The following NRG3 variants were observed in gnomAD, a reference collection of about 807,000 sequenced individuals.
The protein encoded by NRG3 is pro-neuregulin-3, membrane-bound isoform.
In NRG3, 31 loss-of-function variants were observed where a neutral mutation model predicts 66.9. The observed-to-expected ratio is 0.46, with a 90% CI of 0.35 to 0.63. The LOEUF is 0.63. NRG3 is among the 20% of genes least tolerant of loss of function. NRG3 has a pLI of 0.00. For synonymous variants in NRG3, 393 were observed against 359.4 expected (o/e 1.09, Z -1.06); for missense variants, 910 against 878.9 (o/e 1.04, Z -0.45).
chr10:82,695,467 TAAG>T (rs1173234327), intron 2 of NRG3, among the ~76,000 whole-genome samples: 5 of 152,124 alleles, frequency 3.3e-5, no homozygotes, highest in African/African-American at 1.2e-4. Context: ...ACTCATATGT[TAAG>T]AGAGAAAAAC....
At chr10:82,292,696 A>G (rs2079817324) in intron 1 of NRG3, among the ~76,000 whole-genome samples, 1 of 152,214 alleles carries the variant, frequency 6.6e-6, no homozygotes, top group Admixed American at 6.5e-5. Flanking sequence ...CAACAACTTA[A>G]ATAAACCTAG....
chr10:82,282,934 C>CTAA, intron 1 of NRG3, among the ~76,000 whole-genome samples: 1 of 152,006 alleles, frequency 6.6e-6, no homozygotes, highest in Non-Finnish European at 1.5e-5. Flanking sequence ...CCGATCCTGG[C>CTAA]CCCGGTGTTT....
intron 2 of NRG3, among the ~76,000 whole-genome samples, chr10:82,667,906 C>A (rs1251728575): frequency 6.6e-6 from 1 of 152,156 alleles, no homozygotes; most frequent in Non-Finnish European, 1.5e-5. Flanking sequence ...ATTTTAGATG[C>A]AAAGCTGACA....
intron 1 of NRG3, among the ~76,000 whole-genome samples, chr10:82,334,322 T>C (rs1348886472): frequency 1.3e-5 from 2 of 152,094 alleles, no homozygotes; most frequent in Non-Finnish European, 2.9e-5. Context: ...GTACATGCTG[T>C]GTATCAGGAG....
At chr10:82,928,751 A>G (rs1258084697) in intron 4 of NRG3, among the ~76,000 whole-genome samples, 2 of 152,184 alleles carry the variant, frequency 1.3e-5, no homozygotes, top group South Asian at 2.1e-4. Context: ...CTGTACTCCA[A>G]TAAAACTTTA....
At chr10:82,748,605 T>C (rs2134899378) in intron 3 of NRG3, among the ~76,000 whole-genome samples, 1 of 148,960 alleles carries the variant, frequency 6.7e-6, no homozygotes, top group African/African-American at 2.4e-5. Context: ...ATTATTATAT[T>C]ATTTATTTTT....
chr10:81,913,085 A>G (rs928090367), intron 1 of NRG3, among the ~76,000 whole-genome samples: 5 of 52,052 alleles, frequency 9.6e-5, no homozygotes, highest in Non-Finnish European at 1.3e-4. Context: ...ACCATTGGGG[A>G]AAAAAAGTCA....
intron 1 of NRG3, among the ~76,000 whole-genome samples, chr10:81,970,912 GCTGGATTGC>G (rs2059909806): frequency 6.6e-6 from 1 of 152,190 alleles, no homozygotes; most frequent in Non-Finnish European, 1.5e-5. Flanking sequence ...GGTCAAGGCG[GCTGGATTGC>G]CTGATATCAG....
intron 3 of NRG3, among the ~76,000 whole-genome samples, chr10:82,832,834 G>GTGTGTGTT (rs1554823295): frequency 6.6e-6 from 1 of 151,562 alleles, no homozygotes; most frequent in Non-Finnish European, 1.5e-5. Flanking sequence ...GTGTGTGTGT[G>GTGTGTGTT]TTTCTGAACA....
intron 2 of NRG3, among the ~76,000 whole-genome samples, chr10:82,568,046 G>GT: frequency 6.6e-6 from 1 of 151,966 alleles, no homozygotes; most frequent in Non-Finnish European, 1.5e-5. Context: ...AGAGATAAGA[G>GT]TATCTTATGG....
At chr10:82,396,798 A>G (rs2086742316) in intron 2 of NRG3, among the ~76,000 whole-genome samples, 1 of 151,562 alleles carries the variant, frequency 6.6e-6, no homozygotes. Context: ...TCCCTCTCTC[A>G]CTCTGTGTGT....
At chr10:82,468,744 T>C (rs1564957121) in intron 2 of NRG3, among the ~76,000 whole-genome samples, 1 of 152,320 alleles carries the variant, frequency 6.6e-6, no homozygotes, top group East Asian at 1.9e-4. Flanking sequence ...CTATTGCATC[T>C]AATGGAATCT....
chr10:82,689,317 C>T (rs945716583), intron 2 of NRG3, among the ~76,000 whole-genome samples: 1 of 152,126 alleles, frequency 6.6e-6, no homozygotes, highest in African/African-American at 2.4e-5. Context: ...ATAAAAATGA[C>T]TGTAACCTGG....
chr10:81,911,515 C>T (rs987111245), intron 1 of NRG3, among the ~76,000 whole-genome samples: 2 of 151,178 alleles, frequency 1.3e-5, no homozygotes, highest in Admixed American at 6.6e-5. Flanking sequence ...GGTTTAAGCC[C>T]GAAAAAGGTA....
intron 1 of NRG3, among the ~76,000 whole-genome samples, chr10:82,266,368 G>C (rs1049614527): frequency 3.3e-5 from 5 of 152,194 alleles, no homozygotes; most frequent in African/African-American, 1.2e-4. Flanking sequence ...TGGACATGTG[G>C]AGCTCGTAAG....
At chr10:82,157,033 T>C (rs1438233904) in intron 1 of NRG3, among the ~76,000 whole-genome samples, 1 of 151,696 alleles carries the variant, frequency 6.6e-6, no homozygotes, top group Admixed American at 6.6e-5. Context: ...GGGGATTAAA[T>C]GGTCATTATG....
chr10:82,768,998 CTG>C (rs2135150984), intron 3 of NRG3, among the ~76,000 whole-genome samples: 1 of 152,208 alleles, frequency 6.6e-6, no homozygotes, highest in South Asian at 2.1e-4. Context: ...ACTAATAAAA[CTG>C]AGATTCTAAC....
At chr10:82,649,094 A>G (rs1389854825) in intron 2 of NRG3, among the ~76,000 whole-genome samples, 4 of 152,186 alleles carry the variant, frequency 2.6e-5, no homozygotes, top group African/African-American at 7.2e-5. Context: ...CACCACTCCT[A>G]TTCAACATAG....
chr10:82,313,786 T>C (rs1043193989), intron 1 of NRG3, among the ~76,000 whole-genome samples: 1 of 152,170 alleles, frequency 6.6e-6, no homozygotes, highest in African/African-American at 2.4e-5. Flanking sequence ...CATTTTATCC[T>C]CTCTGGCGAT....
Sources: gnomAD v4.1 joint callset for allele counts (sites outside exome capture counted in the v4.1 genomes callset) on GRCh38, gnomAD v4.1.1 for gene constraint, MANE v1.5 for transcripts, NCBI Gene and HGNC (gene_info 2026-07-23, HGNC 2026-07-21) for gene names.